Variants in ALG14 observed in about 807,000 individuals in gnomAD.
The protein encoded by ALG14 is ALG14 UDP-N-acetylglucosaminyltransferase subunit, also known as UDP-N-acetylglucosamine transferase subunit ALG14.
Under a neutral mutation model 22.8 loss-of-function variants are expected in ALG14, and 17 were observed. That is an observed-to-expected ratio of 0.75 (90% CI 0.51 to 1.12). The LOEUF is 1.12. Ranked by LOEUF, ALG14 falls within the 50% of genes most tolerant of loss-of-function variation. The pLI, the probability that ALG14 is intolerant of heterozygous loss-of-function variation, is 0.00. For missense variants in ALG14, 288 were observed against 271.8 expected (o/e 1.06, Z -0.42); for synonymous variants, 89 against 103.7 (o/e 0.86, Z 0.86).
chr1:95,065,684 A>G (rs1167051485), intron 1 of ALG14, among the ~76,000 whole-genome samples: 1 of 152,212 alleles, frequency 6.6e-6, no homozygotes, highest in African/African-American at 2.4e-5. Flanking sequence ...GCTGATCAGC[A>G]GGGCTTGGGC....
At chr1:95,054,834 C>A (rs1175673094) in intron 2 of ALG14, among the ~76,000 whole-genome samples, 1 of 152,166 alleles carries the variant, frequency 6.6e-6, no homozygotes, top group Non-Finnish European at 1.5e-5. Flanking sequence ...GTACTGTAAC[C>A]TTGATACCAA....
In ALG14 at chr1:94,979,232, C is replaced by T. The variant is rs1672450714; in HGVS notation, c.*3844G>A. Reference sequence around the variant, plus strand: ...CCAGGAGGCAGAGGTTACAGTGAGCCAGTAAGGTGAGATTGCACCACTGCA... The same window carrying T: ...CCAGGAGGCAGAGGTTACAGTGAGCTAGTAAGGTGAGATTGCACCACTGCA... On this transcript the variant is annotated 3_prime_UTR_variant, in exon 4 of 4. Coordinates refer to ENST00000370205, the MANE Select transcript of ALG14 (RefSeq NM_144988.4). The T allele has an allele frequency of 7.8e-6, 1 of 127,480 alleles. No homozygotes were observed. Among genetic ancestry groups the T allele is most frequent in the African/African-American group, 3.1e-5 (1 of 32,466 alleles). The allele number at this position is 127,480 out of a possible 1,614,324, so 7.9% of individuals were successfully genotyped here.
At position 94,980,284 on chromosome 1, in the gene ALG14, A is replaced by T. The variant is rs1270108789; in HGVS notation, c.*2792T>A. On this transcript the variant is annotated 3_prime_UTR_variant, in exon 4 of 4. Coordinates refer to ENST00000370205, the MANE Select transcript of ALG14 (RefSeq NM_144988.4). ...ACGGTTTCATAGCACTCTTCGTTCC[A>T]GGCTAAAGTTTCCTGTCATGATTTT... 6.6e-6 allele frequency: 1 copy of T among 152,130 alleles called. No individual in the cohort carries two copies. Among genetic ancestry groups the T allele is most frequent in the East Asian group, 1.9e-4 (1 of 5,186 alleles). The allele number at this position is 152,130 out of a possible 1,614,324, so 9.4% of individuals were successfully genotyped here.
chr1:94,992,206 A>T (rs1034253554), intron 3 of ALG14, among the ~76,000 whole-genome samples: 5 of 152,198 alleles, frequency 3.3e-5, no homozygotes, highest in African/African-American at 1.2e-4. Context: ...GTACATAATT[A>T]TATGTGCTAT....
At chr1:94,990,513 G>C (rs1672745218) in intron 3 of ALG14, among the ~76,000 whole-genome samples, 1 of 152,210 alleles carries the variant, frequency 6.6e-6, no homozygotes, top group African/African-American at 2.4e-5. Context: ...ATTGGTAACA[G>C]AATTTTCAGA....
intron 2 of ALG14, among the ~76,000 whole-genome samples, chr1:95,064,197 T>G (rs1332130034): frequency 6.6e-6 from 1 of 152,188 alleles, no homozygotes; most frequent in African/African-American, 2.4e-5. Flanking sequence ...CAATGGGATT[T>G]TCTAGATATA....
At chr1:95,000,904 T>C (rs1273519274) in intron 3 of ALG14, among the ~76,000 whole-genome samples, 1 of 152,170 alleles carries the variant, frequency 6.6e-6, no homozygotes, top group Non-Finnish European at 1.5e-5. Flanking sequence ...CACCTCAGGC[T>C]GCGCCTGATC....
Position 94,980,862 on chromosome 1 carries a change from G to A in ALG14, c.*2214C>T, listed in dbSNP as rs78169992. The A allele has an allele frequency of 9.1e-4, 139 of 152,316 alleles. No homozygotes were observed. Among genetic ancestry groups the A allele is most frequent in the African/African-American group, 3.3e-3 (137 of 41,556 alleles). 9.4% of individuals were successfully genotyped at this position (152,316 alleles called of 1,614,324 possible). On this transcript the variant is annotated 3_prime_UTR_variant, in exon 4 of 4. Coordinates refer to ENST00000370205, the MANE Select transcript of ALG14 (RefSeq NM_144988.4). ...TCTCTGACATTCCAGGCTAACCACT[G>A]TCTTAAGTTAAGGCTCTGCAAAACA...
intron 2 of ALG14, among the ~76,000 whole-genome samples, chr1:95,030,411 A>T (rs1174846878): frequency 6.6e-6 from 1 of 152,126 alleles, no homozygotes; most frequent in African/African-American, 2.4e-5. Context: ...ATGTCATGTC[A>T]TTGTTATTAT....
At chr1:95,027,975 A>G (rs1024117639) in intron 2 of ALG14, among the ~76,000 whole-genome samples, 23 of 152,256 alleles carry the variant, frequency 1.5e-4, no homozygotes, top group African/African-American at 5.1e-4. Flanking sequence ...AGAAGTGCAT[A>G]CAGTAAAATA....
At chr1:94,985,156 A>G (rs533998428) in intron 3 of ALG14, among the ~76,000 whole-genome samples, 411 of 152,262 alleles carry the variant, frequency 2.7e-3, no homozygotes, top group African/African-American at 8.8e-3. Flanking sequence ...ACCTTACTAG[A>G]AAATGGGTAG....
chr1:94,983,224 A>C lies in ALG14; in HGVS notation c.503T>G (p.Ile168Ser), dbSNP rs1431105428. 2 of 1,614,182 alleles carry C rather than the reference A, an allele frequency of 1.2e-6. No homozygotes were observed. Among genetic ancestry groups the C allele is most frequent in the Non-Finnish European group, 1.7e-6 (2 of 1,180,022 alleles). The change falls in exon 4 of 4, where the codon ATC becomes AGC. Residue 168 changes from isoleucine to serine, a missense_variant. Coordinates refer to ENST00000370205, the MANE Select transcript of ALG14 (RefSeq NM_144988.4). Reference protein sequence around the residue: ...LLGILGIKKVIIVYVESICRV... With the variant: ...LLGILGIKKVSIVYVESICRV... ...GCAGATGCTTTCAACGTAGACAATG[A>C]TCACTTTCTTTATTCCTAGTATCCC...
intron 3 of ALG14, among the ~76,000 whole-genome samples, chr1:95,005,175 G>A (rs547259083): frequency 6.6e-6 from 1 of 152,328 alleles, no homozygotes; most frequent in Non-Finnish European, 1.5e-5. Context: ...GATGCATGAG[G>A]ATAAGTCTTT....
At chr1:94,997,141 G>A (rs572705007) in intron 3 of ALG14, among the ~76,000 whole-genome samples, 9 of 152,294 alleles carry the variant, frequency 5.9e-5, no homozygotes, top group Admixed American at 1.3e-4. Flanking sequence ...TGCCTGCCAA[G>A]GTGTCCCATT....
intron 2 of ALG14, among the ~76,000 whole-genome samples, chr1:95,062,986 G>A (rs1271019400): frequency 6.6e-6 from 1 of 151,986 alleles, no homozygotes; most frequent in Non-Finnish European, 1.5e-5. Flanking sequence ...TTTAATAATC[G>A]CCATTCTGAG....
At chr1:95,008,898 C>G (rs1184150261) in intron 3 of ALG14, among the ~76,000 whole-genome samples, 1 of 152,062 alleles carries the variant, frequency 6.6e-6, no homozygotes, top group African/African-American at 2.4e-5. Context: ...TCTGGCTACC[C>G]CAAAGAAGTG....
intron 3 of ALG14, among the ~76,000 whole-genome samples, chr1:95,000,902 G>C (rs1221017582): frequency 6.6e-6 from 1 of 152,116 alleles, no homozygotes; most frequent in Non-Finnish European, 1.5e-5. Context: ...TCCACCTCAG[G>C]CTGCGCCTGA....
chr1:95,037,362 G>C (rs1674233639), intron 2 of ALG14, among the ~76,000 whole-genome samples: 1 of 152,152 alleles, frequency 6.6e-6, no homozygotes, highest in South Asian at 2.1e-4. Context: ...AACCCCACTG[G>C]AGTACCATGA....
intron 2 of ALG14, among the ~76,000 whole-genome samples, chr1:95,032,337 G>T (rs903259762): frequency 6.6e-6 from 1 of 152,098 alleles, no homozygotes; most frequent in East Asian, 1.9e-4. Flanking sequence ...ATTTGCAAGG[G>T]CCACTCTTTA....
Sources: gnomAD v4.1 joint callset for allele counts (sites outside exome capture counted in the v4.1 genomes callset) on GRCh38, gnomAD v4.1.1 for gene constraint, MANE v1.5 for transcripts, NCBI Gene and HGNC (gene_info 2026-07-23, HGNC 2026-07-21) for gene names.